The following FBRSL1 variants were observed in gnomAD, a reference collection of about 807,000 sequenced individuals.
The protein encoded by FBRSL1 is fibrosin-1-like protein.
In FBRSL1, 51 loss-of-function variants were observed where a neutral mutation model predicts 89.6. That is an observed-to-expected ratio of 0.57 (90% confidence interval 0.45 to 0.72). The LOEUF (loss-of-function observed/expected upper bound fraction) is 0.72. FBRSL1 is among the 30% of genes least tolerant of loss of function. The pLI is 0.00. For synonymous variants in FBRSL1, 779 were observed against 681.1 expected (o/e 1.14, Z -2.24); for missense variants, 1,618 against 1,451.8 (o/e 1.11, Z -1.86).
chr12:132,557,345 C>G (rs1275748641), intron 5 of FBRSL1, among the ~76,000 whole-genome samples: 1 of 152,240 alleles, frequency 6.6e-6, no homozygotes, highest in Non-Finnish European at 1.5e-5. Context: ...CCCGGATAAT[C>G]TATTCCCACT....
intron 1 of FBRSL1, 77 bp downstream of exon 1, chr12:132,490,938 A>G: frequency 9.1e-7 from 1 of 1,098,828 alleles, no homozygotes. Flanking sequence ...CGATCCCGGG[A>G]CCCCTGGGCT....
chr12:132,527,190 GC>G (rs2035858659), intron 3 of FBRSL1, among the ~76,000 whole-genome samples: 1 of 152,090 alleles, frequency 6.6e-6, no homozygotes. Context: ...TCTAGCCAGG[GC>G]ACCCTCCCCA....
chr12:132,519,727 G>GT (rs2035176863), intron 2 of FBRSL1, among the ~76,000 whole-genome samples: 1 of 152,174 alleles, frequency 6.6e-6, no homozygotes, highest in Non-Finnish European at 1.5e-5. Flanking sequence ...TGGCCAAGAT[G>GT]GTGAAACCCC....
intron 2 of FBRSL1, among the ~76,000 whole-genome samples, chr12:132,518,646 C>T (rs1438156017): frequency 1.3e-5 from 2 of 151,550 alleles, no homozygotes; most frequent in African/African-American, 4.9e-5. Flanking sequence ...ACCCATCTGT[C>T]CATCCACCCG....
chr12:132,510,236 A>G, intron 2 of FBRSL1: 3 of 1,230,608 alleles, frequency 2.4e-6, no homozygotes, highest in South Asian at 8.2e-5. Flanking sequence ...ATCGCCCTTC[A>G]CTCCTGGGGC....
At position 132,490,653 on chromosome 12, in the gene FBRSL1, G is replaced by A. The variant is rs905242433; in HGVS notation, c.83G>A (p.Arg28His). The A allele has an allele frequency of 7.1e-6, 7 of 989,020 alleles. No homozygotes were observed. In the African/African-American group the frequency reaches 1.2e-4, roughly 17 times the overall value. 61.3% of individuals were successfully genotyped at this position (989,020 alleles called of 1,614,324 possible). A position where few individuals can be genotyped will look rare whatever the true frequency, so the allele number is the denominator to read the frequency against. Residue 28 changes from arginine to histidine, a missense_variant, in exon 1 of 19, where the codon CGC (arginine) becomes CAC (histidine). Coordinates refer to ENST00000680143, the MANE Select transcript of FBRSL1 (RefSeq NM_001367871.1). ...CGCCGGGAGGCCGCCCGCGACGCCC[G>A]CGCCCAGAGTCCGTCGTCGGGCGAC... Reference protein sequence around the residue: ...GRRREAARDARAQSPSSGDEP... With the variant: ...GRRREAARDAHAQSPSSGDEP...
intron 14 of FBRSL1, 106 bp downstream of exon 14, chr12:132,574,670 G>C: frequency 3.7e-6 from 5 of 1,343,770 alleles, no homozygotes; most frequent in Non-Finnish European, 5.0e-6. Context: ...CGTGTGCACG[G>C]GTGTGATCCT....
rs200683121 is a variant in FBRSL1, at chr12:132,532,601, C to T, written c.615+4613C>T. ...ATCCGTCCCCTTGCCTCCCCTCCAG[C>T]CCATGTGTGCTGAGCGTGTCCATGG... On this transcript the variant is annotated intron_variant, in intron 4 of 18. Transcript: ENST00000680143. Among the ~76,000 whole-genome samples, 187 of 152,338 alleles carry T rather than the reference C, an allele frequency of 1.2e-3. 1 individual carries two copies. The highest frequency in any genetic ancestry group is 9.7e-3 in the East Asian group (50 of 5,178).
At chr12:132,492,247 G>C (rs1347941783) in intron 1 of FBRSL1, among the ~76,000 whole-genome samples, 1 of 152,186 alleles carries the variant, frequency 6.6e-6, no homozygotes, top group East Asian at 1.9e-4. Flanking sequence ...GTCAGCCCTT[G>C]TACCCTGCCG....
Position 132,583,418 on chromosome 12 carries a change from C to A in FBRSL1, c.2649C>A (p.Arg883=). The A allele has an allele frequency of 1.9e-6, 2 of 1,080,538 alleles. No individual in the cohort carries two copies. The highest frequency in any genetic ancestry group is 1.1e-6 in the Non-Finnish European group (1 of 889,776). 66.9% of individuals were successfully genotyped at this position (1,080,538 alleles called of 1,614,324 possible). A position where few individuals can be genotyped will look rare whatever the true frequency, so the allele number is the denominator to read the frequency against. The change falls in exon 19 of 19, where the codon CGC becomes CGA. Residue 883 remains arginine (R), a synonymous_variant. Transcript: ENST00000680143. ...CCGCCCTCTTGGAGCCCCCGGAGCGCCCCTACCGCGACCGCGAGCCCCACG... is the reference window on the plus strand; with the variant it reads ...CCGCCCTCTTGGAGCCCCCGGAGCGACCCTACCGCGACCGCGAGCCCCACG... ...GSAALLEPPE[R]PYRDREPHGY...
chr12:132,513,369 G>A (rs1159187695), intron 2 of FBRSL1, among the ~76,000 whole-genome samples: 3 of 152,102 alleles, frequency 2.0e-5, no homozygotes, highest in Admixed American at 6.5e-5. Context: ...CCTGGCTGCT[G>A]TAGAGGGGGT....
At chr12:132,513,777 C>T (rs368773111) in intron 2 of FBRSL1, among the ~76,000 whole-genome samples, 1 of 152,234 alleles carries the variant, frequency 6.6e-6, no homozygotes, top group South Asian at 2.1e-4. Flanking sequence ...GAGACTGTGG[C>T]GGTGGGGCCA....
intron 5 of FBRSL1, chr12:132,551,550 G>C (rs1315901893): frequency 2.2e-6 from 1 of 456,196 alleles, no homozygotes; most frequent in Admixed American, 2.3e-5. Context: ...CCACACCTGC[G>C]GGTTTGAGCT....
At chr12:132,508,081 A>G in intron 1 of FBRSL1, 72 bp from the exon 2 acceptor site, 1 of 1,408,492 alleles carries the variant, frequency 7.1e-7, no homozygotes, top group Non-Finnish European at 9.6e-7. Flanking sequence ...AGAGCTGCTC[A>G]GGTGGGTGCT....
intron 2 of FBRSL1, chr12:132,511,070 C>T (rs1172625338): frequency 2.0e-6 from 2 of 985,630 alleles, no homozygotes; most frequent in Non-Finnish European, 2.4e-6. Flanking sequence ...GGGTTTCAGT[C>T]CAGGCCCTCC....
At chr12:132,574,683 C>T (rs1181606356) in intron 14 of FBRSL1, 119 bp downstream of exon 14, 5 of 1,267,520 alleles carry the variant, frequency 3.9e-6, no homozygotes, top group South Asian at 1.5e-5. Context: ...GTGATCCTCA[C>T]GCGTGAGCCG....
intron 10 of FBRSL1, 31 bp downstream of exon 10, chr12:132,572,375 C>T (rs763794959): frequency 3.7e-5 from 58 of 1,549,188 alleles, no homozygotes; most frequent in South Asian, 9.5e-5. Flanking sequence ...CGGCGCGTGT[C>T]GCTGTGCACG....
intron 1 of FBRSL1, among the ~76,000 whole-genome samples, chr12:132,496,336 G>A (rs1158333499): frequency 6.6e-6 from 1 of 152,240 alleles, no homozygotes; most frequent in Non-Finnish European, 1.5e-5. Context: ...GAAGTGCCCA[G>A]AACTGGCCCT....
rs1248376334 is a variant in FBRSL1 at position 132,565,532 on chromosome 12, T to TACGTACCCGAGTGTGCTCAC, written c.646-1949_646-1948insACGTACCCGAGTGTGCTCAC. 145 of 151,634 alleles carry TACGTACCCGAGTGTGCTCAC rather than the reference T, an allele frequency of 9.6e-4. 1 individual carries two copies. Among genetic ancestry groups the TACGTACCCGAGTGTGCTCAC allele is most frequent in the African/African-American group, 3.4e-3 (140 of 41,274 alleles). 9.4% of individuals were successfully genotyped at this position (151,634 alleles called of 1,614,324 possible). A position where few individuals can be genotyped will look rare whatever the true frequency, so the allele number is the denominator to read the frequency against. On this transcript the variant is annotated intron_variant, in intron 5 of 18. Coordinates refer to ENST00000680143, the MANE Select transcript of FBRSL1 (RefSeq NM_001367871.1). ...ATGTACACGTACCCGAGTGTGCTCA[T>TACGTACCCGAGTGTGCTCAC]GTACACGTACCCGAGTGTGCCCATG... is the stretch of plus-strand genomic sequence containing the variant.
Sources: gnomAD v4.1 joint callset for allele counts (sites outside exome capture counted in the v4.1 genomes callset) on GRCh38, gnomAD v4.1.1 for gene constraint, MANE v1.5 for transcripts, NCBI Gene and HGNC (gene_info 2026-07-23, HGNC 2026-07-21) for gene names.